RGS6: variants seen among roughly 807,000 people sequenced by gnomAD.
RGS6 encodes regulator of G-protein signaling 6.
A neutral mutation model predicts 78.5 loss-of-function variants in RGS6; 30 were observed. That is an observed-to-expected ratio of 0.38 (90% CI 0.29 to 0.52). The LOEUF (loss-of-function observed/expected upper bound fraction) is 0.52, where lower values mean the gene tolerates loss of function less well. RGS6 is among the 20% of genes least tolerant of loss of function. The pLI, the probability that RGS6 is intolerant of heterozygous loss-of-function variation, is 0.85. For missense variants in RGS6, 495 were observed against 609.7 expected (o/e 0.81, Z 1.98); for synonymous variants, 206 against 206.0 (o/e 1.00, Z 0.00).
At chr14:72,104,387 T>A (rs2095590186) in intron 2 of RGS6, among the ~76,000 whole-genome samples, 2 of 152,252 alleles carry the variant, frequency 1.3e-5, no homozygotes, top group Admixed American at 1.3e-4. Flanking sequence ...TATATTTTTA[T>A]TATGTTACTT....
intron 15 of RGS6, among the ~76,000 whole-genome samples, chr14:72,520,660 T>A (rs2097024948): frequency 6.6e-6 from 1 of 152,262 alleles, no homozygotes; most frequent in South Asian, 2.1e-4. Flanking sequence ...AATATTTGAT[T>A]CTCTCCCTTC....
chr14:72,029,303 G>T (rs746647176), intron 2 of RGS6, among the ~76,000 whole-genome samples: 4 of 152,188 alleles, frequency 2.6e-5, no homozygotes, highest in Admixed American at 2.0e-4. Context: ...TTGCTGAGGA[G>T]TGATGTACAT....
rs140273619 is a variant in RGS6 at position 72,384,144 on chromosome 14, G to A, written c.184+31950G>A. Among the ~76,000 whole-genome samples the A allele has an allele frequency of 7.0e-3, 1,070 of 152,226 alleles. 16 individuals carry two copies. The highest frequency in any genetic ancestry group is 0.023 in the African/African-American group (955 of 41,532). On this transcript the variant is annotated intron_variant, in intron 3 of 17. Coordinates refer to ENST00000553525, the MANE Select transcript of RGS6 (RefSeq NM_001204424.2). Reference sequence around the variant, plus strand: ...TGGGCACAGGGCATGTCTCAGACCTGTATGGTACTTTTAAAAAAATAAGTT... The same window carrying A: ...TGGGCACAGGGCATGTCTCAGACCTATATGGTACTTTTAAAAAAATAAGTT...
rs34446409 is a variant in RGS6, at chr14:72,007,152, A to ATTT, written c.84+42287_84+42289dup. On this transcript the variant is annotated intron_variant, in intron 2 of 17. Transcript: ENST00000553525. ...ACCAGAGTGCTGAAAGTGCTTTCTG[A>ATTT]TTTTTTTTTTTTCCTGTTGCTTAGA... Among the ~76,000 whole-genome samples, 57 of 148,890 alleles carry ATTT rather than the reference A, an allele frequency of 3.8e-4. 1 individual carries two copies. Among genetic ancestry groups the ATTT allele is most frequent in the African/African-American group, 1.3e-3 (54 of 40,660 alleles).
At chr14:72,133,830 C>G (rs1249199204) in intron 2 of RGS6, among the ~76,000 whole-genome samples, 1 of 152,060 alleles carries the variant, frequency 6.6e-6, no homozygotes, top group Non-Finnish European at 1.5e-5. Context: ...GGACACGCAT[C>G]TACGTGATTG....
At chr14:72,325,261 T>G (rs2073393923) in intron 2 of RGS6, among the ~76,000 whole-genome samples, 1 of 152,226 alleles carries the variant, frequency 6.6e-6, no homozygotes, top group Non-Finnish European at 1.5e-5. Context: ...TAGCCCTTTG[T>G]CAGATGGGTA....
the RGS6 span, among the ~76,000 whole-genome samples, chr14:71,903,105 G>A: frequency 2.6e-5 from 4 of 152,354 alleles, no homozygotes; most frequent in Admixed American, 1.3e-4. Flanking sequence ...AGAACTCCAG[G>A]AACCTGGGAT....
At chr14:72,301,488 C>T (rs142230890) in intron 2 of RGS6, among the ~76,000 whole-genome samples, 3 of 151,960 alleles carry the variant, frequency 2.0e-5, no homozygotes, top group Non-Finnish European at 4.4e-5. Context: ...AAACTGTGAT[C>T]CTGTTTCTCA....
intron 2 of RGS6, among the ~76,000 whole-genome samples, chr14:72,182,543 G>A (rs35883321): frequency 0.024 from 3,703 of 152,126 alleles, 77 homozygotes; most frequent in African/African-American, 0.059. Context: ...CAACCCAATA[G>A]CACCATGGCT....
chr14:71,954,851 T>A (rs1409469481), intron 1 of RGS6, among the ~76,000 whole-genome samples: 1 of 152,242 alleles, frequency 6.6e-6, no homozygotes, highest in Non-Finnish European at 1.5e-5. Context: ...TCATCATAGT[T>A]ATTTTAAATT....
chr14:72,538,268 C>T (rs561456971), intron 16 of RGS6, among the ~76,000 whole-genome samples: 43 of 152,326 alleles, frequency 2.8e-4, no homozygotes, highest in African/African-American at 8.9e-4. Flanking sequence ...TCACAACCTC[C>T]GGCGGAGAGA....
intron 2 of RGS6, among the ~76,000 whole-genome samples, chr14:72,242,222 G>A (rs1438220014): frequency 2.0e-5 from 3 of 152,182 alleles, no homozygotes; most frequent in Non-Finnish European, 4.4e-5. Flanking sequence ...CAAAGGTGAA[G>A]GGGGCAATTA....
intron 15 of RGS6, among the ~76,000 whole-genome samples, chr14:72,520,371 A>C (rs759748538): frequency 3.3e-5 from 5 of 152,178 alleles, no homozygotes; most frequent in Non-Finnish European, 7.3e-5. Flanking sequence ...TAAGATATTT[A>C]ATCAGATTTA....
At chr14:72,231,578 G>C (rs2049604348) in intron 2 of RGS6, among the ~76,000 whole-genome samples, 1 of 152,216 alleles carries the variant, frequency 6.6e-6, no homozygotes, top group Admixed American at 6.5e-5. Context: ...ACTAGCCCCA[G>C]GTCCAGTGGT....
At position 72,469,979 on chromosome 14, in the gene RGS6, C is replaced by T. The variant is rs78248249; in HGVS notation, c.460-28C>T. ...TGTGCTAATTTACGATGATTAATGC[C>T]GCCTTGTTGATTTTCATTTCTCATT... On this transcript the variant is annotated intron_variant, in intron 7 of 17. Coordinates refer to ENST00000553525, the MANE Select transcript of RGS6 (RefSeq NM_001204424.2). The T allele has an allele frequency of 1.3e-3, 1,945 of 1,539,768 alleles. 13 individuals are homozygous for T. In the African/African-American group the frequency reaches 0.023, roughly 18 times the overall value.
the RGS6 span, among the ~76,000 whole-genome samples, chr14:72,603,662 C>T: frequency 4.3e-3 from 656 of 152,294 alleles, 8 homozygotes; most frequent in African/African-American, 0.015. Flanking sequence ...AAGCTGACAA[C>T]GAGCAGGGAG....
the RGS6 span, among the ~76,000 whole-genome samples, chr14:72,572,648 G>A: frequency 6.6e-6 from 1 of 151,868 alleles, no homozygotes; most frequent in Admixed American, 6.6e-5. Context: ...ACAACAAGGT[G>A]GGGTGGAAAT....
At chr14:72,156,610 G>A (rs1383115066) in intron 2 of RGS6, among the ~76,000 whole-genome samples, 3 of 152,174 alleles carry the variant, frequency 2.0e-5, no homozygotes, top group Non-Finnish European at 2.9e-5. Flanking sequence ...AGTGTCCAGG[G>A]ACAAGATGTG....
chr14:71,894,268 AG>A, the RGS6 span, among the ~76,000 whole-genome samples: 1 of 152,352 alleles, frequency 6.6e-6, no homozygotes, highest in African/African-American at 2.4e-5. Context: ...ACAAATTAAT[AG>A]TGGTTACTAA....
Sources: gnomAD v4.1 joint callset for allele counts (sites outside exome capture counted in the v4.1 genomes callset) on GRCh38, gnomAD v4.1.1 for gene constraint, MANE v1.5 for transcripts, NCBI Gene and HGNC (gene_info 2026-07-23, HGNC 2026-07-21) for gene names.